Variants in ROBO1 observed in about 807,000 individuals in gnomAD.
ROBO1 encodes roundabout homolog 1.
In ROBO1, 149 loss-of-function variants were observed where a neutral mutation model predicts 195.9. The ratio of observed to expected loss-of-function variants is 0.76; its 90% CI spans 0.67 to 0.87. The LOEUF is 0.87. ROBO1 is among the 40% of genes least tolerant of loss of function. The pLI, the probability that ROBO1 is intolerant of heterozygous loss-of-function variation, is 0.00. For missense variants in ROBO1, 1,933 were observed against 2,068.3 expected (o/e 0.93, Z 1.27); for synonymous variants, 816 against 733.2 (o/e 1.11, Z -1.82).
rs1036773878 is a variant in ROBO1, at chr3:79,267,609, C to T, written c.89-142070G>A. On this transcript the variant is annotated intron_variant, in intron 2 of 30. Coordinates refer to ENST00000464233, the MANE Select transcript of ROBO1 (RefSeq NM_002941.4). ...AAAAATTGGAAAGCTTGGAAAGACC[C>T]ATCTCATTTATAAGCACTGCAGGTA... Among the ~76,000 whole-genome samples, 4 of 150,964 alleles carry T rather than the reference C, an allele frequency of 2.6e-5. No homozygotes were observed. In the East Asian group the frequency reaches 7.8e-4, roughly 29 times the overall value.
At chr3:78,929,393 G>C (rs576955729) in intron 4 of ROBO1, among the ~76,000 whole-genome samples, 28 of 152,078 alleles carry the variant, frequency 1.8e-4, no homozygotes, top group Non-Finnish European at 2.6e-4. Flanking sequence ...AAGGTTGCTA[G>C]GTCCTGTTTT....
chr3:79,029,774 C>G (rs950405454), intron 3 of ROBO1, among the ~76,000 whole-genome samples: 4 of 152,198 alleles, frequency 2.6e-5, no homozygotes, highest in African/African-American at 9.6e-5. Context: ...CTACCTAGAC[C>G]TGCCATTTTC....
intron 2 of ROBO1, among the ~76,000 whole-genome samples, chr3:79,404,814 TTAAAAATATTTAG>T (rs1410359970): frequency 2.6e-5 from 4 of 152,098 alleles, no homozygotes; most frequent in Non-Finnish European, 4.4e-5. Context: ...TATTGGAATT[TTAAAAATATTTAG>T]TAAATATTCA....
chr3:79,665,394 T>C (rs2106860264), intron 1 of ROBO1, among the ~76,000 whole-genome samples: 1 of 152,040 alleles, frequency 6.6e-6, no homozygotes, highest in Admixed American at 6.6e-5. Flanking sequence ...ACAATATCTG[T>C]ATGTCAGTTC....
chr3:79,626,381 G>A (rs1035147419), intron 1 of ROBO1, among the ~76,000 whole-genome samples: 8 of 152,142 alleles, frequency 5.3e-5, no homozygotes, highest in African/African-American at 1.9e-4. Flanking sequence ...AGCTTGCAGT[G>A]AGCCACGATC....
chr3:79,321,052 C>A (rs766607957), intron 2 of ROBO1, among the ~76,000 whole-genome samples: 1 of 152,142 alleles, frequency 6.6e-6, no homozygotes, highest in Non-Finnish European at 1.5e-5. Context: ...TAAATTCTAG[C>A]ATCTTAAGGA....
At chr3:79,652,449 C>T (rs1193107800) in intron 1 of ROBO1, among the ~76,000 whole-genome samples, 1 of 152,108 alleles carries the variant, frequency 6.6e-6, no homozygotes, top group East Asian at 1.9e-4. Flanking sequence ...TACCTAAAAT[C>T]ATTCAGATGA....
chr3:79,234,516 G>A lies in ROBO1; in HGVS notation c.89-108977C>T, dbSNP rs1480949458. Among the ~76,000 whole-genome samples, 5 of 152,016 alleles carry A rather than the reference G, an allele frequency of 3.3e-5. No individual in the cohort carries two copies. The South Asian group carries it at 1.0e-3, about 32-fold the overall frequency. On this transcript the variant is annotated intron_variant, in intron 2 of 30. Transcript: ENST00000464233. ...AAGTAATTCTACCAAAAAGTCACAT[G>A]TACTCATATATTCACTGCAGCACTA...
At chr3:79,028,019 A>G (rs948231320) in intron 3 of ROBO1, among the ~76,000 whole-genome samples, 1 of 152,062 alleles carries the variant, frequency 6.6e-6, no homozygotes, top group Non-Finnish European at 1.5e-5. Flanking sequence ...TACAAAGTAA[A>G]ATATTGTTTT....
At chr3:79,471,214 A>G (rs1456656875) in intron 2 of ROBO1, among the ~76,000 whole-genome samples, 10 of 152,190 alleles carry the variant, frequency 6.6e-5, no homozygotes, top group African/African-American at 2.2e-4. Flanking sequence ...GAAAAATATC[A>G]TAGGGGAAAT....
At chr3:79,483,438 T>A (rs538690623) in intron 2 of ROBO1, among the ~76,000 whole-genome samples, 2 of 152,254 alleles carry the variant, frequency 1.3e-5, no homozygotes, top group African/African-American at 4.8e-5. Context: ...TGCATTCGGA[T>A]GAAAATGCAG....
intron 4 of ROBO1, among the ~76,000 whole-genome samples, chr3:78,819,812 C>A (rs2030672375): frequency 6.6e-6 from 1 of 152,102 alleles, no homozygotes; most frequent in African/African-American, 2.4e-5. Context: ...CTGCCACCAA[C>A]CCGATACACA....
intron 2 of ROBO1, among the ~76,000 whole-genome samples, chr3:79,424,113 C>T (rs1448737262): frequency 1.3e-5 from 2 of 151,984 alleles, no homozygotes; most frequent in Non-Finnish European, 2.9e-5. Flanking sequence ...TGGCTGCATG[C>T]GGGTAAAGAT....
chr3:78,915,742 C>T (rs951639946), intron 4 of ROBO1, among the ~76,000 whole-genome samples: 2 of 151,928 alleles, frequency 1.3e-5, no homozygotes, highest in African/African-American at 2.4e-5. Flanking sequence ...GTGGGATGAT[C>T]ACAGCTCCCT....
intron 3 of ROBO1, among the ~76,000 whole-genome samples, chr3:79,006,618 T>C (rs2108173511): frequency 6.6e-6 from 1 of 152,210 alleles, no homozygotes; most frequent in East Asian, 1.9e-4. Context: ...TGAAAGTCCA[T>C]CTGAAAGTAT....
chr3:79,205,151 T>A (rs901602497), intron 2 of ROBO1, among the ~76,000 whole-genome samples: 1 of 151,746 alleles, frequency 6.6e-6, no homozygotes, highest in Non-Finnish European at 1.5e-5. Context: ...CACCACCATA[T>A]CCGGTTAATT....
chr3:78,987,552 A>G (rs902948767), intron 3 of ROBO1, among the ~76,000 whole-genome samples: 2 of 152,182 alleles, frequency 1.3e-5, no homozygotes, highest in Non-Finnish European at 2.9e-5. Context: ...AAACATTTAT[A>G]GTTTTAAAAC....
chr3:79,158,609 A>G (rs2080899731), intron 2 of ROBO1, among the ~76,000 whole-genome samples: 3 of 151,386 alleles, frequency 2.0e-5, no homozygotes, highest in South Asian at 2.1e-4. Context: ...TGTATTTTGT[A>G]TTTTGTTGTA....
At chr3:79,526,566 C>T (rs1941441471) in intron 2 of ROBO1, 3 of 152,292 alleles carry the variant, frequency 2.0e-5, no homozygotes, top group East Asian at 3.9e-4. Context: ...CGTCATTTGA[C>T]TTCCATAATT....
Sources: gnomAD v4.1 joint callset for allele counts (sites outside exome capture counted in the v4.1 genomes callset) on GRCh38, gnomAD v4.1.1 for gene constraint, MANE v1.5 for transcripts, NCBI Gene and HGNC (gene_info 2026-07-23, HGNC 2026-07-21) for gene names.